Variants in CR1L observed in about 807,000 individuals in gnomAD.
CR1L encodes the protein complement C3b/C4b receptor 1 like.
CR1L carries 59 observed loss-of-function variants against 62.3 expected under a neutral mutation model. The ratio of observed to expected loss-of-function variants is 0.95; its 90% CI spans 0.77 to 1.18. The LOEUF (loss-of-function observed/expected upper bound fraction) is 1.18, where lower values mean the gene tolerates loss of function less well. Among genes scored for constraint, CR1L ranks in the 50% most tolerant of loss-of-function variants. CR1L has a pLI of 0.00. For missense variants in CR1L, 700 were observed against 702.8 expected (o/e 1.00, Z 0.04); for synonymous variants, 279 against 248.7 (o/e 1.12, Z -1.15).
intron 10 of CR1L, chr1:207,710,250 G>A (rs1463238921): frequency 4.9e-6 from 3 of 613,784 alleles, no homozygotes; most frequent in Non-Finnish European, 8.9e-6. Flanking sequence ...AGGTTGAGGG[G>A]GGAGGATTGC....
intron 1 of CR1L, 109 bp downstream of exon 1, chr1:207,645,439 A>T (rs1424100664): frequency 7.9e-7 from 1 of 1,270,510 alleles, no homozygotes; most frequent in Admixed American, 1.7e-5. Flanking sequence ...CCTGCTTGGG[A>T]TAGAGAGCGA....
chr1:207,697,483 CT>C lies in CR1L; in HGVS notation c.863-17del, dbSNP rs1379388098. On this transcript the variant is annotated intron_variant, in intron 5 of 11. Transcript: ENST00000508064. ...AGTTATTTTCACACAATTAGCAGTA[CT>C]TTGTTTCTCTCTCCCCAGTATGTCA... 6.2e-7 allele frequency: 1 copy of C among 1,613,566 alleles called. No individual in the cohort carries two copies.
At chr1:207,710,359 G>T (rs1664334101) in intron 10 of CR1L, 24 of 1,341,560 alleles carry the variant, frequency 1.8e-5, no homozygotes, top group Non-Finnish European at 2.6e-5. Flanking sequence ...TTGTTTTGGT[G>T]AACTTGCGGT....
chr1:207,649,478 C>G lies in CR1L; in HGVS notation c.97+4148C>G, dbSNP rs528922957. 2.2e-4 allele frequency among the ~76,000 whole-genome samples: 33 copies of G among 152,332 alleles called. 2 individuals carry two copies. In the South Asian group the frequency reaches 6.8e-3, roughly 32 times the overall value. Reference sequence around the variant, plus strand: ...AGCCCTTTTGTTTGACTTAGCACAACGTGACTCCAAACTAGGGTTGTTTTA... The same window carrying G: ...AGCCCTTTTGTTTGACTTAGCACAAGGTGACTCCAAACTAGGGTTGTTTTA... On this transcript the variant is annotated intron_variant, in intron 1 of 11. Coordinates refer to ENST00000508064, the MANE Select transcript of CR1L (RefSeq NM_175710.2).
chr1:207,676,916 A>G (rs1236376867), intron 1 of CR1L, among the ~76,000 whole-genome samples: 1 of 151,746 alleles, frequency 6.6e-6, no homozygotes, highest in African/African-American at 2.4e-5. Context: ...TTGGTCTCCC[A>G]AAGTGCTGGA....
chr1:207,695,893 C>A (rs985381160), intron 5 of CR1L, among the ~76,000 whole-genome samples: 4 of 152,124 alleles, frequency 2.6e-5, no homozygotes, highest in Non-Finnish European at 4.4e-5. Context: ...GGTGATAAAC[C>A]ATTAGAAACC....
intron 5 of CR1L, among the ~76,000 whole-genome samples, chr1:207,695,369 A>G (rs536240874): frequency 1.3e-5 from 2 of 152,272 alleles, no homozygotes; most frequent in South Asian, 4.1e-4. Context: ...AGCTGAAGCA[A>G]TCCACCCACC....
chr1:207,700,196 T>C (rs557344433), intron 8 of CR1L, among the ~76,000 whole-genome samples: 1 of 152,354 alleles, frequency 6.6e-6, no homozygotes, highest in South Asian at 2.1e-4. Flanking sequence ...TACTAAAATG[T>C]TTATGTTCTT....
intron 4 of CR1L, 29 bp downstream of exon 4, chr1:207,683,986 T>C: frequency 6.3e-7 from 1 of 1,583,198 alleles, no homozygotes; most frequent in Non-Finnish European, 8.7e-7. Flanking sequence ...TCCTATTTCT[T>C]TTACCGATAC....
intron 11 of CR1L, among the ~76,000 whole-genome samples, chr1:207,718,169 A>G (rs1654048807): frequency 6.6e-6 from 1 of 152,190 alleles, no homozygotes; most frequent in South Asian, 2.1e-4. Context: ...GTTGTTTCCA[A>G]GGGTTTGTTC....
chr1:207,708,482 G>A (rs1571533245), intron 10 of CR1L, among the ~76,000 whole-genome samples: 1 of 152,238 alleles, frequency 6.6e-6, no homozygotes, highest in African/African-American at 2.4e-5. Flanking sequence ...TTTTAAACTA[G>A]TCTTGAGCTA....
chr1:207,646,051 A>T (rs1043997744), intron 1 of CR1L, among the ~76,000 whole-genome samples: 4 of 146,270 alleles, frequency 2.7e-5, no homozygotes, highest in Non-Finnish European at 4.5e-5. Context: ...CCATGCTTTT[A>T]GTGCCTTCTG....
At chr1:207,694,910 G>A (rs939873353) in intron 5 of CR1L, among the ~76,000 whole-genome samples, 159 bp downstream of exon 5, 6 of 152,212 alleles carry the variant, frequency 3.9e-5, no homozygotes, top group Non-Finnish European at 1.5e-5. Flanking sequence ...GTGTGTACAT[G>A]CAGATGTGCT....
chr1:207,690,884 C>T (rs1663986132), intron 4 of CR1L, among the ~76,000 whole-genome samples: 1 of 152,306 alleles, frequency 6.6e-6, no homozygotes, highest in Admixed American at 6.5e-5. Context: ...CTTCTGGCTC[C>T]TGTAAAGACA....
intron 1 of CR1L, among the ~76,000 whole-genome samples, chr1:207,648,234 A>AAC (rs1488662727): frequency 6.6e-6 from 1 of 150,394 alleles, no homozygotes; most frequent in African/African-American, 2.5e-5. Context: ...GAAAAAAAAA[A>AAC]AAAACCTGGA....
chr1:207,711,733 C>T (rs1365320999), intron 10 of CR1L, among the ~76,000 whole-genome samples: 1 of 152,010 alleles, frequency 6.6e-6, no homozygotes, highest in Non-Finnish European at 1.5e-5. Flanking sequence ...ATGGTGAAAC[C>T]CTGTCTTTAC....
At chr1:207,702,060 A>G (rs1664200930) in intron 9 of CR1L, among the ~76,000 whole-genome samples, 1 of 152,182 alleles carries the variant, frequency 6.6e-6, no homozygotes, top group Admixed American at 6.5e-5. Context: ...TGCTTTTTAC[A>G]AATTGAAGGC....
At chr1:207,707,413 A>G (rs981350289) in intron 9 of CR1L, among the ~76,000 whole-genome samples, 2 of 152,208 alleles carry the variant, frequency 1.3e-5, no homozygotes, top group East Asian at 1.9e-4. Context: ...GGGTCACCTC[A>G]GATCAGGAGT....
At chr1:207,715,311 G>C (rs1213183592) in intron 10 of CR1L, 1 of 1,577,300 alleles carries the variant, frequency 6.3e-7, no homozygotes, top group South Asian at 1.1e-5. Context: ...TTTTTCTTTA[G>C]GTTCTGATTA....
Sources: gnomAD v4.1 joint callset for allele counts (sites outside exome capture counted in the v4.1 genomes callset) on GRCh38, gnomAD v4.1.1 for gene constraint, MANE v1.5 for transcripts, NCBI Gene and HGNC (gene_info 2026-07-23, HGNC 2026-07-21) for gene names.